Variants in LMF1 observed in about 807,000 individuals in gnomAD.
The protein encoded by LMF1 is lipase maturation factor 1.
Under a neutral mutation model 60.6 loss-of-function variants are expected in LMF1, and 68 were observed. The observed-to-expected ratio is 1.12, with a 90% CI of 0.92 to 1.37. LMF1 has a LOEUF of 1.37. Among genes scored for constraint, LMF1 ranks in the 40% most tolerant of loss-of-function variants. The pLI is 0.00. For missense variants in LMF1, 948 were observed against 767.2 expected (o/e 1.24, Z -2.78); for synonymous variants, 418 against 324.7 (o/e 1.29, Z -3.09).
At chr16:894,897 G>A (rs890682937) in intron 4 of LMF1, among the ~76,000 whole-genome samples, 3 of 152,236 alleles carry the variant, frequency 2.0e-5, no homozygotes, top group African/African-American at 4.8e-5. Context: ...AACACGATCT[G>A]TTCACAGCGG....
chr16:981,335 A>AGG (rs2073361910), upstream of LMF1: 3 of 328,450 alleles, frequency 9.1e-6, no homozygotes, highest in African/African-American at 8.2e-5. Context: ...AGAGAGAGAG[A>AGG]GAGAGAGAGA....
intron 4 of LMF1, among the ~76,000 whole-genome samples, chr16:898,138 T>C (rs1207280974): frequency 1.3e-5 from 2 of 152,212 alleles, no homozygotes; most frequent in African/African-American, 2.4e-5. Context: ...TGGCTTCACA[T>C]TGAGGACAAA....
chr16:960,347 CGGGATCACGACCCAGACACAG>C (rs879694986), intron 1 of LMF1, among the ~76,000 whole-genome samples: 23,377 of 147,552 alleles, frequency 0.16, 2,124 homozygotes, highest in African/African-American at 0.23. Context: ...GGTGACAGCA[CGGGATCACGACCCAGACACAG>C]ACTCACGGTG....
intron 1 of LMF1, among the ~76,000 whole-genome samples, chr16:964,936 G>A (rs898925074): frequency 2.9e-4 from 44 of 152,232 alleles, no homozygotes; most frequent in African/African-American, 9.9e-4. Context: ...GTGAGCAGGC[G>A]CACAGAACAG....
chr16:878,571 T>G lies in LMF1; in HGVS notation c.897+999A>C, dbSNP rs2070063180. Among the ~76,000 whole-genome samples, 1 of 152,208 alleles carries G rather than the reference T, an allele frequency of 6.6e-6. No homozygotes were observed. The highest frequency in any genetic ancestry group is 2.4e-5 in the African/African-American group (1 of 41,444). ...GGTGAAAACCAGAAACTACCACACGTGCACAGACGGGACGGGTGAACCGAC... is the reference window on the plus strand; with the variant it reads ...GGTGAAAACCAGAAACTACCACACGGGCACAGACGGGACGGGTGAACCGAC... On this transcript the variant is annotated intron_variant, in intron 6 of 10. Transcript: ENST00000262301. The surrounding 1 kb of genome is among the most constrained non-coding windows in gnomAD (Gnocchi z 5.2).
intron 3 of LMF1, among the ~76,000 whole-genome samples, chr16:927,238 A>G (rs2071636521): frequency 6.6e-6 from 1 of 152,226 alleles, no homozygotes; most frequent in Admixed American, 6.5e-5. Context: ...GGCGGGCTCT[A>G]AAAGTCACCC....
At chr16:857,306 C>T (rs952235722) in intron 10 of LMF1, among the ~76,000 whole-genome samples, 4 of 152,280 alleles carry the variant, frequency 2.6e-5, no homozygotes, top group Admixed American at 6.5e-5. Flanking sequence ...ACTGCAACTT[C>T]GGGTGTCCTT....
intron 10 of LMF1, among the ~76,000 whole-genome samples, chr16:863,269 T>C (rs189868557): frequency 1.3e-5 from 2 of 152,312 alleles, no homozygotes; most frequent in East Asian, 3.9e-4. Context: ...GCCTCCCAAG[T>C]AGCTGGGACT....
At chr16:981,342 GA>G (rs2073365851), upstream of LMF1, 6 of 274,618 alleles carry the variant, frequency 2.2e-5, no homozygotes, top group East Asian at 1.2e-4. Context: ...GAGAGAGAGA[GA>G]GAGAGTGTGT....
At chr16:881,682 G>A (rs767610699) in intron 5 of LMF1, among the ~76,000 whole-genome samples, 2 of 152,188 alleles carry the variant, frequency 1.3e-5, no homozygotes, top group Non-Finnish European at 2.9e-5. Flanking sequence ...GAGAAGAACC[G>A]GAATGCCTGG....
intron 3 of LMF1, among the ~76,000 whole-genome samples, chr16:913,133 C>A (rs573715651): frequency 3.1e-4 from 47 of 152,376 alleles, no homozygotes; most frequent in African/African-American, 1.0e-3. Flanking sequence ...CATCTGCACG[C>A]CCTGCTCTTC....
At chr16:879,466 G>A in intron 6 of LMF1, 104 bp downstream of exon 6, 1 of 1,323,662 alleles carries the variant, frequency 7.6e-7, no homozygotes, top group Non-Finnish European at 1.0e-6. Flanking sequence ...AAGAAAGGGG[G>A]CCTGTAATGC....
At position 857,139 on chromosome 16, in the gene LMF1, G is replaced by A. The variant is rs866425224; in HGVS notation, c.1530-2433C>T. ...GCTGACCGGCGTCTGCGGCGTGAGT[G>A]CACCCTAGTTTGTGCGGTCGCTCTC... On this transcript the variant is annotated intron_variant, in intron 10 of 10. Coordinates refer to ENST00000262301, the MANE Select transcript of LMF1 (RefSeq NM_022773.4). Among the ~76,000 whole-genome samples, 15 of 152,346 alleles carry A rather than the reference G, an allele frequency of 9.8e-5. No individual in the cohort carries two copies. The Middle Eastern group carries it at 0.014, about 138-fold the overall frequency.
chr16:860,416 T>G (rs554481210), intron 10 of LMF1, among the ~76,000 whole-genome samples: 1 of 151,470 alleles, frequency 6.6e-6, no homozygotes, highest in East Asian at 1.9e-4. Flanking sequence ...CTCGGCTCAC[T>G]GCAACCTCTG....
At chr16:940,277 C>T (rs1169669604) in intron 2 of LMF1, among the ~76,000 whole-genome samples, 1 of 152,182 alleles carries the variant, frequency 6.6e-6, no homozygotes, top group Non-Finnish European at 1.5e-5. Context: ...TGTTTGAAGC[C>T]TCCCCACGTG....
At chr16:972,634 G>A (rs375180669), upstream of LMF1, among the ~76,000 whole-genome samples, 7 of 152,324 alleles carry the variant, frequency 4.6e-5, 1 homozygote, top group South Asian at 1.5e-3. Flanking sequence ...ACTGCCCTGC[G>A]TCAGGTGTGG....
intron 2 of LMF1, among the ~76,000 whole-genome samples, chr16:945,320 T>A (rs1214813106): frequency 1.3e-5 from 2 of 148,314 alleles, no homozygotes; most frequent in Admixed American, 1.3e-4. Context: ...AGCCCAGGAG[T>A]TCAAGACCAG....
rs1009878655 is a variant in LMF1, at chr16:888,863, C to A, written c.729+4144G>T. 2.2e-4 allele frequency among the ~76,000 whole-genome samples: 34 copies of A among 152,176 alleles called. 1 individual carries two copies. The highest frequency in any genetic ancestry group is 8.2e-4 in the African/African-American group (34 of 41,438). On this transcript the variant is annotated intron_variant, in intron 5 of 10. Coordinates refer to ENST00000262301, the MANE Select transcript of LMF1 (RefSeq NM_022773.4). ...ATGCACAGGTGGGCAGCAGGGCCAG[C>A]CAGTGTCAGGCAGCAGCCATGAGGC...
chr16:885,570 C>T (rs951633354), intron 5 of LMF1, among the ~76,000 whole-genome samples: 8 of 152,134 alleles, frequency 5.3e-5, no homozygotes, highest in Non-Finnish European at 8.8e-5. Flanking sequence ...ACACGAGCGA[C>T]GAGAAGGCTG....
Sources: allele counts gnomAD v4.1 joint callset (sites outside exome capture counted in the v4.1 genomes callset), GRCh38; gene constraint gnomAD v4.1.1; non-coding constraint Gnocchi (gnomAD v3.1); transcripts MANE v1.5; gene names NCBI Gene and HGNC (gene_info 2026-07-23, HGNC 2026-07-21).